The following CKAP2 variants were observed in gnomAD, a reference collection of about 807,000 sequenced individuals.
CKAP2 encodes the protein cytoskeleton-associated protein 2.
A neutral mutation model predicts 58.4 loss-of-function variants in CKAP2; 46 were observed. The observed-to-expected ratio is 0.79, with a 90% CI of 0.62 to 1.01. CKAP2 has a LOEUF of 1.01. Ranked by LOEUF, CKAP2 falls within the 50% of genes least tolerant of loss-of-function variation. The pLI is 0.00. For missense variants in CKAP2, 809 were observed against 796.4 expected, an observed-to-expected ratio of 1.02 and a Z score of -0.19; for synonymous variants, 293 against 280.9, an observed-to-expected ratio of 1.04 and a Z score of -0.43.
chr13:52,468,989 AC>A (rs1958721303), intron 7 of CKAP2, among the ~76,000 whole-genome samples: 2 of 152,164 alleles, frequency 1.3e-5, no homozygotes, highest in African/African-American at 4.8e-5. Context: ...TTATACTCCC[AC>A]CAACAATGTA....
At chr13:52,465,512 A>G in intron 6 of CKAP2, 47 bp downstream of exon 6, 1 of 1,510,782 alleles carries the variant, frequency 6.6e-7, no homozygotes, top group African/African-American at 1.4e-5. Context: ...GTAGTAGACA[A>G]TTCGGAATTA....
intron 6 of CKAP2, chr13:52,465,928 T>C (rs1958662617): frequency 6.2e-6 from 2 of 322,374 alleles, no homozygotes; most frequent in African/African-American, 2.2e-5. Flanking sequence ...CACATATATA[T>C]ACACACATAT....
In CKAP2 at chr13:52,472,493, G is replaced by GT. The variant is rs149612564; in HGVS notation, c.1547-1327dup. Among the ~76,000 whole-genome samples, 1,035 of 151,192 alleles carry GT rather than the reference G, an allele frequency of 6.8e-3. 7 individuals are homozygous for GT. Among genetic ancestry groups the GT allele is most frequent in the African/African-American group, 0.015 (609 of 41,208 alleles). ...ATTTTCCTAATAATTAAATTCAGAG[G>GT]TTTTTTTTTCCAGCTCAATGGATTC... is the stretch of plus-strand genomic sequence containing the variant. On this transcript the variant is annotated intron_variant, in intron 7 of 8. Transcript: ENST00000258607.
intron 7 of CKAP2, among the ~76,000 whole-genome samples, chr13:52,473,047 TAA>T (rs201486101): frequency 3.7e-4 from 51 of 137,776 alleles, no homozygotes; most frequent in Non-Finnish European, 4.0e-4. Flanking sequence ...ACCCTGTCTC[TAA>T]AAAAAAAAAA....
At chr13:52,473,585 T>C (rs1958787803) in intron 7 of CKAP2, 1 of 378,754 alleles carries the variant, frequency 2.6e-6, no homozygotes, top group African/African-American at 2.1e-5. Context: ...GCAAAGTTAG[T>C]TGTTTCTTTT....
intron 8 of CKAP2, 119 bp downstream of exon 8, chr13:52,474,203 AGTACGGGCAT>A: frequency 9.6e-7 from 1 of 1,046,288 alleles, no homozygotes; most frequent in Non-Finnish European, 1.4e-6. Flanking sequence ...TAGAAATTTC[AGTACGGGCAT>A]GGTGGCTCAC....
At chr13:52,458,197 A>G (rs1041847612) in intron 2 of CKAP2, among the ~76,000 whole-genome samples, 5 of 152,178 alleles carry the variant, frequency 3.3e-5, no homozygotes, top group East Asian at 1.9e-4. Context: ...TGATAACCGT[A>G]TACTGAAATA....
At chr13:52,455,983 T>C (rs2137827772) in intron 1 of CKAP2, 1 of 1,089,366 alleles carries the variant, frequency 9.2e-7, no homozygotes, top group Non-Finnish European at 1.1e-6. Flanking sequence ...GCGCCTGCGC[T>C]GGGTCCTCCG....
At chr13:52,467,794 G>T (rs570196400) in intron 6 of CKAP2, among the ~76,000 whole-genome samples, 10 of 151,542 alleles carry the variant, frequency 6.6e-5, no homozygotes, top group Admixed American at 6.6e-4. Context: ...TTTCGTTTTT[G>T]GTTTTTTTGT....
chr13:52,474,048 TTAAATA>T lies in CKAP2; in HGVS notation c.1770_1775del (p.Lys590_Tyr591del). The T allele has an allele frequency of 6.2e-7, 1 of 1,613,902 alleles. No homozygotes were observed. Among genetic ancestry groups the T allele is most frequent in the Non-Finnish European group, 8.5e-7 (1 of 1,179,860 alleles). ...ACAGAAACGAGGACAAGTTGCTTAA[TTAAATA>T]TAATGTGTCTACTACGCCATACTTG... On this transcript the variant is annotated inframe_deletion, in exon 8 of 9. Transcript: ENST00000258607.
At chr13:52,455,694 G>T in intron 1 of CKAP2, 68 bp downstream of exon 1, 2 of 1,389,268 alleles carry the variant, frequency 1.4e-6, no homozygotes, top group South Asian at 1.7e-5. Context: ...CCGGCGGTCG[G>T]GGCTCGGGGC....
At position 52,465,207 on chromosome 13, in the gene CKAP2, A is replaced by G; in HGVS notation, c.1306-88A>G. ...TTGCTTTATGCTTAGGGCTATCGTT[A>G]TCATTGATCTTGACTATAGTAGGCT... On this transcript the variant is annotated intron_variant, in intron 5 of 8. Coordinates refer to ENST00000258607, the MANE Select transcript of CKAP2 (RefSeq NM_018204.5). 5 of 1,119,408 alleles carry G rather than the reference A, an allele frequency of 4.5e-6. No homozygotes were observed. The South Asian group carries it at 7.6e-5, about 17-fold the overall frequency. 69.3% of individuals were successfully genotyped at this position (1,119,408 alleles called of 1,614,324 possible).
chr13:52,469,597 ATT>A (rs1287024424), intron 7 of CKAP2, among the ~76,000 whole-genome samples: 5,594 of 136,866 alleles, frequency 0.041, 189 homozygotes, highest in South Asian at 0.065. Flanking sequence ...TTATTTATTT[ATT>A]TTTTTTTTGA....
At chr13:52,470,076 T>C (rs1958740536) in intron 7 of CKAP2, among the ~76,000 whole-genome samples, 1 of 152,044 alleles carries the variant, frequency 6.6e-6, no homozygotes. Flanking sequence ...TTCTTTTGAT[T>C]AATTTTAACA....
rs766552497 is a variant in CKAP2 at position 52,465,390 on chromosome 13, A to C, written c.1401A>C (p.Ala467=). The change falls in exon 6 of 9, where the codon GCA becomes GCC. Residue 467 remains alanine (A), a synonymous_variant. Transcript: ENST00000258607. ...KKLVKYWICL[A]LIEPITSPIE... is the part of the protein sequence containing the mutation. ...TTGTTAAGTATTGGATATGTCTTGC[A>C]CTTATTGAACCAATCACAAGTCCTA... is the stretch of plus-strand genomic sequence containing the variant. 8.1e-6 allele frequency: 13 copies of C among 1,613,420 alleles called. No individual in the cohort carries two copies. Among genetic ancestry groups the C allele is most frequent in the Middle Eastern group, 3.3e-4 (2 of 6,056 alleles).
chr13:52,470,085 CAA>C (rs1282582636), intron 7 of CKAP2, among the ~76,000 whole-genome samples: 3 of 151,264 alleles, frequency 2.0e-5, no homozygotes, highest in East Asian at 1.9e-4. Flanking sequence ...TTAATTTTAA[CAA>C]GAGTCAAACA....
At chr13:52,463,395 C>T (rs1020229492) in intron 5 of CKAP2, among the ~76,000 whole-genome samples, 2 of 151,994 alleles carry the variant, frequency 1.3e-5, no homozygotes, top group African/African-American at 4.8e-5. Context: ...TTTGGCAACA[C>T]CATCATTCCT....
At chr13:52,470,514 T>C (rs1958748005) in intron 7 of CKAP2, among the ~76,000 whole-genome samples, 1 of 152,080 alleles carries the variant, frequency 6.6e-6, no homozygotes, top group Non-Finnish European at 1.5e-5. Flanking sequence ...GAGATCTAGG[T>C]TGAAGGGCTA....
intron 5 of CKAP2, among the ~76,000 whole-genome samples, chr13:52,463,732 C>CT (rs1958620435): frequency 6.6e-6 from 1 of 152,156 alleles, no homozygotes; most frequent in Non-Finnish European, 1.5e-5. Context: ...AGGCATTCTG[C>CT]TGGGTGGCTT....
Sources: allele counts gnomAD v4.1 joint callset (sites outside exome capture counted in the v4.1 genomes callset), GRCh38; gene constraint gnomAD v4.1.1; transcripts MANE v1.5; gene names NCBI Gene and HGNC (gene_info 2026-07-23, HGNC 2026-07-21).